The following MED27 variants were observed in gnomAD, a reference collection of about 807,000 sequenced individuals.
MED27 encodes mediator complex subunit 27, also known as mediator of RNA polymerase II transcription subunit 27.
Under a neutral mutation model 38.2 loss-of-function variants are expected in MED27, and 30 were observed. The ratio of observed to expected loss-of-function variants is 0.79; its 90% CI spans 0.59 to 1.07. The LOEUF (loss-of-function observed/expected upper bound fraction) is 1.07. Among genes scored for constraint, MED27 ranks in the 50% least tolerant of loss-of-function variants. MED27 has a pLI of 0.00. For synonymous variants in MED27, 122 were observed against 153.5 expected, an observed-to-expected ratio of 0.79 and a Z score of 1.52; for missense variants, 289 against 397.5, an observed-to-expected ratio of 0.73 and a Z score of 2.32.
chr9:131,990,828 C>T (rs1347583601), intron 3 of MED27, among the ~76,000 whole-genome samples: 1 of 152,206 alleles, frequency 6.6e-6, no homozygotes, highest in Non-Finnish European at 1.5e-5. Context: ...CACCTCTATG[C>T]AAATCACCAG....
intron 2 of MED27, among the ~76,000 whole-genome samples, chr9:132,038,434 C>T (rs1311916533): frequency 6.6e-6 from 1 of 151,696 alleles, no homozygotes; most frequent in African/African-American, 2.4e-5. Context: ...CCTCGTGATC[C>T]GCCCGCCTCG....
intron 4 of MED27, among the ~76,000 whole-genome samples, chr9:131,901,365 A>AT (rs1829945309): frequency 6.6e-6 from 1 of 152,166 alleles, no homozygotes. Flanking sequence ...ATAAACAATC[A>AT]TTTTCTCTAA....
chr9:131,992,265 A>G lies in MED27; in HGVS notation c.479+22072T>C, dbSNP rs190526185. 2.3e-3 allele frequency among the ~76,000 whole-genome samples: 355 copies of G among 152,358 alleles called. 2 individuals are homozygous for G. Among genetic ancestry groups the G allele is most frequent in the Non-Finnish European group, 4.2e-3 (285 of 68,038 alleles). ...ACCAATGAGAAAAAAAGGAAAGGAA[A>G]GCCTTGTTATCATTTCTTTCACCAT... is the stretch of plus-strand genomic sequence containing the variant. On this transcript the variant is annotated intron_variant, in intron 3 of 7. Transcript: ENST00000292035.
intron 2 of MED27, among the ~76,000 whole-genome samples, chr9:132,071,736 G>GAACGAGCACACATGCATACGAGTAACA (rs1833943895): frequency 1.3e-5 from 2 of 149,094 alleles, no homozygotes; most frequent in Non-Finnish European, 3.0e-5. Context: ...TACGAGTAAT[G>GAACGAGCACACATGCATACGAGTAACA]CACGTCCATG....
At chr9:132,064,813 C>T (rs186914339) in intron 2 of MED27, among the ~76,000 whole-genome samples, 1 of 152,296 alleles carries the variant, frequency 6.6e-6, no homozygotes, top group East Asian at 1.9e-4. Context: ...TTAAGTCACC[C>T]GGCACTCTGT....
At chr9:131,867,494 A>G (rs1248501794) in intron 6 of MED27, among the ~76,000 whole-genome samples, 2 of 152,206 alleles carry the variant, frequency 1.3e-5, no homozygotes, top group Non-Finnish European at 2.9e-5. Context: ...GCCTCCTTGG[A>G]TATTCACTGC....
intron 6 of MED27, among the ~76,000 whole-genome samples, chr9:131,876,728 C>A (rs971474872): frequency 6.6e-6 from 1 of 152,130 alleles, no homozygotes; most frequent in Non-Finnish European, 1.5e-5. Context: ...CGTCTGCCGC[C>A]GCTCCTTCCC....
rs567455081 is a variant in MED27 at position 131,874,280 on chromosome 9, G to C, written c.723+9778C>G. On this transcript the variant is annotated intron_variant, in intron 6 of 7. Coordinates refer to ENST00000292035, the MANE Select transcript of MED27 (RefSeq NM_004269.4). The stretch of plus-strand genomic sequence containing the variant: ...GGTCTTCCCCATCCCAGCCTTGCCT[G>C]TACTCTCAGCAGCATCCTCTGCACA... Among the ~76,000 whole-genome samples the C allele has an allele frequency of 2.6e-5, 4 of 152,258 alleles. No homozygotes were observed. The East Asian group carries it at 7.7e-4, about 29-fold the overall frequency.
intron 3 of MED27, among the ~76,000 whole-genome samples, chr9:131,948,824 G>C (rs993115791): frequency 1.3e-5 from 2 of 152,166 alleles, no homozygotes; most frequent in Admixed American, 1.3e-4. Context: ...CAGTAGATGG[G>C]GAGCTTGATC....
chr9:131,874,210 T>C (rs1838887569), intron 6 of MED27, among the ~76,000 whole-genome samples: 1 of 152,208 alleles, frequency 6.6e-6, no homozygotes, highest in South Asian at 2.1e-4. Context: ...GCCTGGAATG[T>C]TCCTGTCAGG....
At chr9:131,980,210 C>CG (rs896525416) in intron 3 of MED27, among the ~76,000 whole-genome samples, 240 of 55,080 alleles carry the variant, frequency 4.4e-3, no homozygotes, top group Non-Finnish European at 6.5e-3. Context: ...AGGCGGGTGG[C>CG]GGGGGGGAGA....
chr9:132,063,970 C>T lies in MED27; in HGVS notation c.348+13472G>A, dbSNP rs189064163. Among the ~76,000 whole-genome samples the T allele has an allele frequency of 1.8e-3, 280 of 152,334 alleles. 2 individuals are homozygous for T. The highest frequency in any genetic ancestry group is 5.6e-3 in the Admixed American group (86 of 15,300). On this transcript the variant is annotated intron_variant, in intron 2 of 7. Transcript: ENST00000292035. Reference sequence around the variant, plus strand: ...GAGACACCGGAAGGAAAACGCACTTCCGCCTTGTTGCTAAACAAAGCTCTT... The same window carrying T: ...GAGACACCGGAAGGAAAACGCACTTTCGCCTTGTTGCTAAACAAAGCTCTT...
chr9:131,952,720 G>C (rs941587721), intron 3 of MED27, among the ~76,000 whole-genome samples: 6 of 152,198 alleles, frequency 3.9e-5, no homozygotes, highest in African/African-American at 1.4e-4. Flanking sequence ...AGCTCTGTCA[G>C]GATCCCTCTC....
At chr9:131,978,077 C>G (rs1426448172) in intron 3 of MED27, among the ~76,000 whole-genome samples, 1 of 152,182 alleles carries the variant, frequency 6.6e-6, no homozygotes, top group East Asian at 1.9e-4. Context: ...ATGAAGCAGC[C>G]TTGTGAAAAC....
At chr9:131,864,844 CTGAG>C (rs1478761763) in intron 6 of MED27, among the ~76,000 whole-genome samples, 1 of 152,248 alleles carries the variant, frequency 6.6e-6, no homozygotes, top group Non-Finnish European at 1.5e-5. Flanking sequence ...GTACTGCATA[CTGAG>C]TAAGGCTCGT....
chr9:131,864,205 G>A (rs1464889963), intron 6 of MED27, among the ~76,000 whole-genome samples: 1 of 152,188 alleles, frequency 6.6e-6, no homozygotes, highest in Non-Finnish European at 1.5e-5. Context: ...AACAGGCCAG[G>A]TGCGGTGCCT....
At chr9:132,008,379 C>T (rs1832407326) in intron 3 of MED27, among the ~76,000 whole-genome samples, 2 of 152,232 alleles carry the variant, frequency 1.3e-5, no homozygotes, top group Admixed American at 6.5e-5. Flanking sequence ...GTGGACACAG[C>T]CTCTCAGCCT....
intron 3 of MED27, among the ~76,000 whole-genome samples, chr9:131,952,299 G>T (rs981112185): frequency 1.3e-5 from 2 of 152,322 alleles, no homozygotes; most frequent in East Asian, 3.9e-4. Context: ...AGCAGGAAAG[G>T]TCTGGTTCAT....
chr9:131,863,004 G>A (rs1838676890), intron 7 of MED27, 59 bp downstream of exon 7: 1 of 1,467,250 alleles, frequency 6.8e-7, no homozygotes, highest in African/African-American at 1.4e-5. Flanking sequence ...CAAGCTCCCT[G>A]TTCTCACTTG....
Sources: gnomAD v4.1 joint callset for allele counts (sites outside exome capture counted in the v4.1 genomes callset) on GRCh38, gnomAD v4.1.1 for gene constraint, MANE v1.5 for transcripts, NCBI Gene and HGNC (gene_info 2026-07-23, HGNC 2026-07-21) for gene names.